RANBP17: variants seen among roughly 807,000 people sequenced by gnomAD.
RANBP17 encodes the protein ran-binding protein 17.
In RANBP17, 158 loss-of-function variants were observed where a neutral mutation model predicts 141.2. The observed-to-expected ratio is 1.12, with a 90% CI of 0.98 to 1.28. The LOEUF (loss-of-function observed/expected upper bound fraction) is 1.28. RANBP17 is among the 50% of genes most tolerant of loss of function. The probability of loss-of-function intolerance (pLI) is 0.00; values close to 1 mark genes in which losing one functional copy is unlikely to be tolerated. For missense variants in RANBP17, 1,438 were observed against 1,290.7 expected (o/e 1.11, Z -1.75); for synonymous variants, 430 against 450.0 (o/e 0.96, Z 0.56).
chr5:171,206,046 TAATG>T (rs769915191), intron 20 of RANBP17: 113 of 311,456 alleles, frequency 3.6e-4, no homozygotes, highest in Non-Finnish European at 6.1e-4. Flanking sequence ...ATCATGAAGA[TAATG>T]AATGGACATG....
chr5:171,258,459 T>C (rs1307926098), intron 24 of RANBP17, among the ~76,000 whole-genome samples: 1 of 152,146 alleles, frequency 6.6e-6, no homozygotes, highest in Non-Finnish European at 1.5e-5. Context: ...GCTGTAGGCA[T>C]TGCATTACCT....
In RANBP17 at chr5:171,082,886, G is replaced by GAA. The variant is rs11418055; in HGVS notation, c.1711-87233_1711-87232dup. On this transcript the variant is annotated intron_variant, in intron 14 of 27. Coordinates refer to ENST00000523189, the MANE Select transcript of RANBP17 (RefSeq NM_022897.5). ...TATGATCAGATGTAACCTCTTTAAA[G>GAA]AAAAAAAAAAAAGGAACAGCTGAAT... Among the ~76,000 whole-genome samples the GAA allele has an allele frequency of 2.5e-3, 361 of 145,124 alleles. 2 individuals are homozygous for GAA. Among genetic ancestry groups the GAA allele is most frequent in the African/African-American group, 6.2e-3 (242 of 39,102 alleles).
In RANBP17 at chr5:171,205,613, G is replaced by T. The variant is rs755048645; in HGVS notation, c.2231+1G>T. ...GCTACACCATGCTGTTTGACTGGATGTATCCTTATTACACTGTGACAATAC... is the reference window on the plus strand; with the variant it reads ...GCTACACCATGCTGTTTGACTGGATTTATCCTTATTACACTGTGACAATAC... On this transcript the variant is annotated splice_donor_variant, in intron 20 of 27. Transcript: ENST00000523189. LOFTEE classifies it high-confidence loss of function. The T allele has an allele frequency of 6.2e-6, 10 of 1,611,070 alleles. No individual in the cohort carries two copies. Among genetic ancestry groups the T allele is most frequent in the African/African-American group, 4.0e-5 (3 of 74,848 alleles).
intron 14 of RANBP17, among the ~76,000 whole-genome samples, chr5:171,017,872 G>T (rs185768614): frequency 6.6e-6 from 1 of 152,106 alleles, no homozygotes; most frequent in Admixed American, 6.6e-5. Flanking sequence ...TCTTCTAGGG[G>T]TTTTATGGTT....
chr5:171,290,865 T>C (rs1328151676), intron 25 of RANBP17, among the ~76,000 whole-genome samples: 1 of 152,220 alleles, frequency 6.6e-6, no homozygotes, highest in African/African-American at 2.4e-5. Context: ...GAGCAGTAGA[T>C]TGAATGCCTA....
chr5:171,103,728 G>A (rs958437772), intron 14 of RANBP17, among the ~76,000 whole-genome samples: 1 of 152,194 alleles, frequency 6.6e-6, no homozygotes, highest in African/African-American at 2.4e-5. Flanking sequence ...GGGCCCTGGT[G>A]GTGTAGGCAC....
At chr5:171,199,163 A>G (rs905639922) in intron 18 of RANBP17, among the ~76,000 whole-genome samples, 6 of 152,166 alleles carry the variant, frequency 3.9e-5, no homozygotes, top group African/African-American at 1.4e-4. Context: ...AAGGGACCCC[A>G]TCCTTTTTGG....
At chr5:170,957,970 C>T (rs1775857913) in intron 13 of RANBP17, among the ~76,000 whole-genome samples, 1 of 152,198 alleles carries the variant, frequency 6.6e-6, no homozygotes, top group Non-Finnish European at 1.5e-5. Context: ...TCATTATTCA[C>T]TAATTCAGTG....
At chr5:170,960,450 T>G (rs185725027) in intron 13 of RANBP17, among the ~76,000 whole-genome samples, 2 of 152,346 alleles carry the variant, frequency 1.3e-5, no homozygotes, top group East Asian at 3.9e-4. Context: ...CCTGGCTCTC[T>G]TCACATGTCT....
At chr5:171,107,614 T>C (rs1230785944) in intron 14 of RANBP17, among the ~76,000 whole-genome samples, 1 of 152,170 alleles carries the variant, frequency 6.6e-6, no homozygotes, top group East Asian at 1.9e-4. Context: ...TGGTGACAAA[T>C]GAGAACACCC....
At chr5:171,138,814 G>T (rs911371288) in intron 14 of RANBP17, among the ~76,000 whole-genome samples, 3 of 152,150 alleles carry the variant, frequency 2.0e-5, no homozygotes, top group African/African-American at 7.2e-5. Flanking sequence ...GTTCACACTA[G>T]TAATCCCAAC....
intron 14 of RANBP17, among the ~76,000 whole-genome samples, chr5:171,097,608 TTTATTATTATTATTA>T (rs35948377): frequency 1.8e-3 from 253 of 141,388 alleles, no homozygotes; most frequent in African/African-American, 5.5e-3. Context: ...ATGTAGTCTT[TTTATTATTATTATTA>T]TTATTATTAT....
In RANBP17 at chr5:171,147,339, T is replaced by TTGTGTGTGTGTGTGTGTG. The variant is rs59202388; in HGVS notation, c.1711-22766_1711-22749dup. ...ATGTAATCATCTTTTCTTGGTTGTT[T>TTGTGTGTGTGTGTGTGTG]TGTGTGTGTGTGTGTGTGTGTGTGT... On this transcript the variant is annotated intron_variant, in intron 14 of 27. Transcript: ENST00000523189. Among the ~76,000 whole-genome samples, 101 of 104,844 alleles carry TTGTGTGTGTGTGTGTGTG rather than the reference T, an allele frequency of 9.6e-4. 1 individual carries two copies. The highest frequency in any genetic ancestry group is 1.5e-3 in the Non-Finnish European group (79 of 53,566). The allele number at this position is 104,844 out of a possible 152,430, so 68.8% of individuals were successfully genotyped here.
intron 14 of RANBP17, among the ~76,000 whole-genome samples, chr5:171,034,262 T>C (rs1781731125): frequency 1.3e-5 from 2 of 152,222 alleles, no homozygotes; most frequent in Non-Finnish European, 2.9e-5. Flanking sequence ...CAACATATTC[T>C]TCCAAAGAGG....
intron 14 of RANBP17, among the ~76,000 whole-genome samples, chr5:171,126,500 A>G (rs1756480993): frequency 6.6e-6 from 1 of 152,208 alleles, no homozygotes. Flanking sequence ...ATAGAAACTA[A>G]AATAAAAATA....
At chr5:171,290,646 A>C (rs1348213909) in intron 25 of RANBP17, among the ~76,000 whole-genome samples, 1 of 152,264 alleles carries the variant, frequency 6.6e-6, no homozygotes, top group Non-Finnish European at 1.5e-5. Flanking sequence ...AACATGTGCC[A>C]GATCAAATAA....
chr5:171,293,838 C>G (rs1768655801), intron 25 of RANBP17, 45 bp from the exon 26 acceptor site: 1 of 1,426,990 alleles, frequency 7.0e-7, no homozygotes, highest in African/African-American at 1.4e-5. Context: ...TTAGGGGGAA[C>G]TCTGAGACAA....
At chr5:171,245,012 C>A (rs1272516390) in intron 24 of RANBP17, among the ~76,000 whole-genome samples, 1 of 151,808 alleles carries the variant, frequency 6.6e-6, no homozygotes, top group Non-Finnish European at 1.5e-5. Context: ...ACCTGTAGTC[C>A]CAGCTACCCA....
At chr5:171,175,518 AT>A (rs1760395299) in intron 16 of RANBP17, among the ~76,000 whole-genome samples, 1 of 152,062 alleles carries the variant, frequency 6.6e-6, no homozygotes, top group Non-Finnish European at 1.5e-5. Context: ...ATGGGAGAAA[AT>A]TTTTTTAATC....
Sources: allele counts gnomAD v4.1 joint callset (sites outside exome capture counted in the v4.1 genomes callset), GRCh38; gene constraint gnomAD v4.1.1; transcripts MANE v1.5; gene names NCBI Gene and HGNC (gene_info 2026-07-23, HGNC 2026-07-21).